Variants in HECA observed in about 807,000 individuals in gnomAD.
HECA encodes the protein headcase protein homolog.
In HECA, 13 loss-of-function variants were observed where a neutral mutation model predicts 37.6. That is an observed-to-expected ratio of 0.35 (90% CI 0.23 to 0.55). HECA has a LOEUF of 0.55. Ranked by LOEUF, HECA falls within the 20% of genes least tolerant of loss-of-function variation. HECA has a pLI of 0.90. For synonymous variants in HECA, 307 were observed against 291.5 expected (o/e 1.05, Z -0.54); for missense variants, 527 against 701.9 (o/e 0.75, Z 2.82).
intron 1 of HECA, among the ~76,000 whole-genome samples, chr6:139,142,362 T>C (rs1774524136): frequency 6.6e-6 from 1 of 152,186 alleles, no homozygotes. Flanking sequence ...GTGGACTTGC[T>C]ATATCCAAGG....
In HECA at chr6:139,176,213, G is replaced by A. The variant is rs1177037600; in HGVS notation, c.1468-728G>A. On this transcript the variant is annotated intron_variant, in intron 3 of 3. Coordinates refer to ENST00000367658, the MANE Select transcript of HECA (RefSeq NM_016217.3). This position sits in a 1 kb window ranked among gnomAD's most constrained non-coding sequence, Gnocchi z 4.5. Reference sequence around the variant, plus strand: ...CCAGCCTTGCTGCTTTCTAACCATGGTCTTTGGCATGGTGCTTTATCACAT... The same window carrying A: ...CCAGCCTTGCTGCTTTCTAACCATGATCTTTGGCATGGTGCTTTATCACAT... Among the ~76,000 whole-genome samples the A allele has an allele frequency of 6.6e-6, 1 of 152,158 alleles. No individual in the cohort carries two copies. The highest frequency in any genetic ancestry group is 1.9e-4 in the East Asian group (1 of 5,194).
chr6:139,165,380 AC>A (rs1774869039), intron 1 of HECA, among the ~76,000 whole-genome samples: 1 of 152,200 alleles, frequency 6.6e-6, no homozygotes, highest in Non-Finnish European at 1.5e-5. Context: ...TACATATGTT[AC>A]AATTGATGAA....
At chr6:139,147,517 C>T (rs551158052) in intron 1 of HECA, among the ~76,000 whole-genome samples, 21 of 151,834 alleles carry the variant, frequency 1.4e-4, no homozygotes, top group Admixed American at 2.6e-4. Flanking sequence ...CCCAGCTACT[C>T]GGGAGGCTGA....
intron 2 of HECA, 122 bp from the exon 3 acceptor site, chr6:139,174,263 T>C (rs1562250688): frequency 3.4e-6 from 4 of 1,171,460 alleles, no homozygotes; most frequent in East Asian, 2.6e-5. Context: ...ATTTTTCTTT[T>C]TATATTTATC....
At chr6:139,141,235 T>C (rs1014384029) in intron 1 of HECA, among the ~76,000 whole-genome samples, 2 of 152,222 alleles carry the variant, frequency 1.3e-5, no homozygotes, top group African/African-American at 4.8e-5. Context: ...GAGATCAACA[T>C]TATTAATATT....
intron 2 of HECA, among the ~76,000 whole-genome samples, chr6:139,168,752 A>G (rs545781803): frequency 6.6e-6 from 1 of 152,260 alleles, no homozygotes; most frequent in East Asian, 1.9e-4. Flanking sequence ...GCTTTTTGAG[A>G]AAGGGAGCAT....
In HECA at chr6:139,179,918, T is replaced by G. The variant is rs1264594743; in HGVS notation, c.*2813T>G. 1 of 152,206 alleles carries G rather than the reference T, an allele frequency of 6.6e-6. No homozygotes were observed. Among genetic ancestry groups the G allele is most frequent in the African/African-American group, 2.4e-5 (1 of 41,456 alleles). 9.4% of individuals were successfully genotyped at this position (152,206 alleles called of 1,614,324 possible). A position where few individuals can be genotyped will look rare whatever the true frequency, so the allele number is the denominator to read the frequency against. On this transcript the variant is annotated 3_prime_UTR_variant, in exon 4 of 4. Coordinates refer to ENST00000367658, the MANE Select transcript of HECA (RefSeq NM_016217.3). ...ATTTTTCGTCTATTCTTAATATTTT[T>G]TAATTATTTATTTTTAAGAGTTTTA... is the stretch of plus-strand genomic sequence containing the variant.
rs1774421164 is a variant in HECA at position 139,135,545 on chromosome 6, G to A, written c.149G>A (p.Cys50Tyr). ...AGGALAAAAG[C>Y]GAAAAGAPGA... ...GGGGCCCTGGCGGCGGCGGCCGGTT[G>A]CGGGGCGGCGGCGGCGGGCGCGCCG... The change falls in exon 1 of 4, where the codon TGC (cysteine) becomes TAC (tyrosine). Residue 50 changes from cysteine (C) to tyrosine (Y), a missense_variant. Transcript: ENST00000367658. The A allele has an allele frequency of 3.1e-6, 3 of 977,148 alleles. No homozygotes were observed. Among genetic ancestry groups the A allele is most frequent in the Non-Finnish European group, 3.6e-6 (3 of 826,340 alleles). 60.5% of individuals were successfully genotyped at this position (977,148 alleles called of 1,614,324 possible).
intron 2 of HECA, among the ~76,000 whole-genome samples, chr6:139,168,238 C>T (rs1045412886): frequency 3.3e-5 from 5 of 152,102 alleles, no homozygotes; most frequent in African/African-American, 9.7e-5. Flanking sequence ...GACTGTGCAT[C>T]CCCCTCCTCC....
At chr6:139,168,425 GTTT>G (rs11428839) in intron 2 of HECA, among the ~76,000 whole-genome samples, 7 of 138,182 alleles carry the variant, frequency 5.1e-5, no homozygotes, top group Non-Finnish European at 6.3e-5. Flanking sequence ...GATTTGCATA[GTTT>G]TTTTTTTTTT....
Position 139,167,137 on chromosome 6 carries a change from C to G in HECA, c.1125C>G (p.Gly375=), listed in dbSNP as rs370753473. The stretch of plus-strand genomic sequence containing the variant: ...GCATGGAAGACGATGCCCAAGTGGG[C>G]CAGGGGGAAGACTTGCGGAAGTTCA... ...HVRMEDDAQV[G]QGEDLRKFIL... Residue 375 remains glycine (G), a synonymous_variant, in exon 2 of 4, where the codon GGC becomes GGG. Transcript: ENST00000367658. 2 of 1,614,038 alleles carry G rather than the reference C, an allele frequency of 1.2e-6. No individual in the cohort carries two copies. Among genetic ancestry groups the G allele is most frequent in the African/African-American group, 1.3e-5 (1 of 74,918 alleles).
intron 3 of HECA, 152 bp downstream of exon 3, chr6:139,174,691 C>G: frequency 8.9e-7 from 1 of 1,122,502 alleles, no homozygotes; most frequent in Non-Finnish European, 1.2e-6. Flanking sequence ...TAGTGGAATA[C>G]TATTCAGTCA....
chr6:139,156,329 A>C (rs1421662960), intron 1 of HECA, among the ~76,000 whole-genome samples: 1 of 152,050 alleles, frequency 6.6e-6, no homozygotes, highest in East Asian at 1.9e-4. Context: ...CGGCCTCCTG[A>C]GTAGCTGGGA....
At chr6:139,174,311 A>G in intron 2 of HECA, 74 bp from the exon 3 acceptor site, 1 of 1,496,278 alleles carries the variant, frequency 6.7e-7, no homozygotes, top group South Asian at 1.3e-5. Context: ...GGTAGATGAA[A>G]CATTTTTATC....
At chr6:139,143,162 G>C (rs916007336) in intron 1 of HECA, among the ~76,000 whole-genome samples, 1 of 152,148 alleles carries the variant, frequency 6.6e-6, no homozygotes, top group Non-Finnish European at 1.5e-5. Context: ...GAGTGACTTT[G>C]GGGCAGGTTA....
At chr6:139,175,135 T>A (rs895217786) in intron 3 of HECA, among the ~76,000 whole-genome samples, 1 of 152,122 alleles carries the variant, frequency 6.6e-6, no homozygotes, top group Non-Finnish European at 1.5e-5. Flanking sequence ...GAAATTTAGC[T>A]GTCATCAGAA....
intron 1 of HECA, among the ~76,000 whole-genome samples, chr6:139,142,941 C>T (rs1395141957): frequency 6.6e-6 from 1 of 152,032 alleles, no homozygotes; most frequent in Admixed American, 6.5e-5. Context: ...AATGAGACTC[C>T]GTCTCAAAAA....
rs1562250736 is a variant in HECA, at chr6:139,174,425, G to A, written c.1353G>A (p.Leu451=). ...TGTATGCCGTGTGCGTGGACTGCCT[G>A]GAAGGGGTTCACAAGATCATCTGCA... ...MHLYAVCVDC[L]EGVHKIICIK... The change falls in exon 3 of 4, where the codon CTG becomes CTA. Residue 451 remains leucine, a synonymous_variant. Coordinates refer to ENST00000367658, the MANE Select transcript of HECA (RefSeq NM_016217.3). The A allele has an allele frequency of 3.7e-6, 6 of 1,613,996 alleles. No individual in the cohort carries two copies.
Position 139,166,877 on chromosome 6 carries a change from C to A in HECA, c.865C>A (p.Arg289Ser). ...CTCTCCTGCCCACTTCAGCGGCCCCCGCTCCTCCAGATACCTCGGGGAGTT... is the reference window on the plus strand; with the variant it reads ...CTCTCCTGCCCACTTCAGCGGCCCCAGCTCCTCCAGATACCTCGGGGAGTT... ...ILSPAHFSGP[R>S]SSRYLGEFLK... is the part of the protein sequence containing the mutation. Residue 289 changes from arginine (R) to serine (S), a missense_variant, in exon 2 of 4, where the codon CGC (arginine) becomes AGC (serine). Around this residue, in one of 4 missense-constraint regions of HECA, gnomAD observed 228 missense variants for 259.8 expected, o/e 0.88. Transcript: ENST00000367658. 2 of 1,613,964 alleles carry A rather than the reference C, an allele frequency of 1.2e-6. No homozygotes were observed. Among genetic ancestry groups the A allele is most frequent in the Non-Finnish European group, 1.7e-6 (2 of 1,179,966 alleles).
Sources: gnomAD v4.1 joint callset for allele counts (sites outside exome capture counted in the v4.1 genomes callset) on GRCh38, gnomAD v4.1.1 for gene constraint, gnomAD v4.1.1 regional missense constraint, Gnocchi (gnomAD v3.1) non-coding constraint, MANE v1.5 for transcripts, NCBI Gene and HGNC (gene_info 2026-07-23, HGNC 2026-07-21) for gene names.